ASAP2: variants seen among roughly 807,000 people sequenced by gnomAD.
The protein encoded by ASAP2 is ArfGAP with SH3 domain, ankyrin repeat and PH domain 2.
In ASAP2, 45 loss-of-function variants were observed where a neutral mutation model predicts 131.4. The observed-to-expected ratio is 0.34, with a 90% CI of 0.27 to 0.44. The LOEUF (loss-of-function observed/expected upper bound fraction) is 0.44. Ranked by LOEUF, ASAP2 falls within the 20% of genes least tolerant of loss-of-function variation. ASAP2 has a pLI of 1.00. For synonymous variants in ASAP2, 510 were observed against 503.0 expected (o/e 1.01, Z -0.19); for missense variants, 1,011 against 1,297.0 (o/e 0.78, Z 3.39).
intron 2 of ASAP2, among the ~76,000 whole-genome samples, chr2:9,288,158 A>T (rs1056937969): frequency 6.6e-6 from 1 of 152,182 alleles, no homozygotes; most frequent in Non-Finnish European, 1.5e-5. Flanking sequence ...ACTGTTTGGG[A>T]TGCCCATACC....
At chr2:9,327,150 A>T in intron 6 of ASAP2, among the ~76,000 whole-genome samples, 1 of 147,612 alleles carries the variant, frequency 6.8e-6, no homozygotes, top group Admixed American at 6.8e-5. Flanking sequence ...CCCATCCTTT[A>T]CAGCTGAGAG....
chr2:9,297,558 G>A lies in ASAP2; in HGVS notation c.345+113G>A. On this transcript the variant is annotated intron_variant, in intron 3 of 27. Coordinates refer to ENST00000281419, the MANE Select transcript of ASAP2 (RefSeq NM_003887.3). ...AGGAATGCATTTCATAGTTCCTTGG[G>A]TACCCAAAAGAATTATGTTTTTATA... 3.9e-6 allele frequency: 5 copies of A among 1,269,530 alleles called. No individual in the cohort carries two copies. In the South Asian group the frequency reaches 7.4e-5, roughly 19 times the overall value. The allele number at this position is 1,269,530 out of a possible 1,614,324, so 78.6% of individuals were successfully genotyped here.
At chr2:9,231,497 G>A (rs1663160482) in intron 1 of ASAP2, among the ~76,000 whole-genome samples, 1 of 152,192 alleles carries the variant, frequency 6.6e-6, no homozygotes, top group African/African-American at 2.4e-5. Context: ...GTGAGCAGTC[G>A]CTGGTCATGT....
chr2:9,376,187 A>G (rs1398647626), intron 17 of ASAP2, among the ~76,000 whole-genome samples: 4 of 152,224 alleles, frequency 2.6e-5, no homozygotes, highest in African/African-American at 7.2e-5. Flanking sequence ...ACTCATGCCC[A>G]CCAATGCAGT....
At chr2:9,271,305 G>A (rs1207198412) in intron 1 of ASAP2, 1 of 861,202 alleles carries the variant, frequency 1.2e-6, no homozygotes, top group African/African-American at 1.7e-5. Flanking sequence ...TGAATCTTCA[G>A]CTGATCGTCC....
At chr2:9,393,345 AAGGAAATAGCAGCAGGTTTTTCCTT>A (rs1675863750) in intron 23 of ASAP2, 112 bp from the exon 24 acceptor site, 1 of 786,552 alleles carries the variant, frequency 1.3e-6, no homozygotes, top group Non-Finnish European at 1.9e-6. Context: ...GAAAACTGGC[AAGGAAATAGCAGCAGGTTTTTCCTT>A]AGGAAATAGC....
chr2:9,243,114 GT>G (rs1664092024), intron 1 of ASAP2, among the ~76,000 whole-genome samples: 1 of 152,032 alleles, frequency 6.6e-6, no homozygotes, highest in Admixed American at 6.6e-5. Flanking sequence ...GTTTTGTTTT[GT>G]TTTGTTTTTT....
chr2:9,248,147 G>A (rs926198365), intron 1 of ASAP2, among the ~76,000 whole-genome samples: 2 of 152,288 alleles, frequency 1.3e-5, no homozygotes, highest in Admixed American at 6.5e-5. Flanking sequence ...CCCAGAAGAC[G>A]AACTCAGCAG....
At position 9,346,952 on chromosome 2, in the gene ASAP2, T is replaced by C. The variant is rs376193798; in HGVS notation, c.1023+2152T>C. ...CCCCAGTTTTTGGCAGATAGTACGG[T>C]TATAACCGGCATTACTGGGATGCTG... On this transcript the variant is annotated intron_variant, in intron 11 of 27. Coordinates refer to ENST00000281419, the MANE Select transcript of ASAP2 (RefSeq NM_003887.3). 2.6e-5 allele frequency among the ~76,000 whole-genome samples: 4 copies of C among 152,336 alleles called. 1 individual carries two copies. Among genetic ancestry groups the C allele is most frequent in the Admixed American group, 6.5e-5 (1 of 15,308 alleles).
At chr2:9,300,318 C>T (rs1424849246) in intron 3 of ASAP2, among the ~76,000 whole-genome samples, 1 of 152,262 alleles carries the variant, frequency 6.6e-6, no homozygotes, top group Non-Finnish European at 1.5e-5. Flanking sequence ...CACTCCACAC[C>T]ATGGAATCCG....
Position 9,309,252 on chromosome 2 carries a change from C to T in ASAP2, c.346-9272C>T, listed in dbSNP as rs190979538. ...GTCCATCAGCAGGTGTCTGGCTAGA[C>T]GGCAGTGTAGCCATATGATGGAACA... On this transcript the variant is annotated intron_variant, in intron 3 of 27. Transcript: ENST00000281419. 2.7e-3 allele frequency among the ~76,000 whole-genome samples: 417 copies of T among 152,276 alleles called. 1 individual carries two copies. Among genetic ancestry groups the T allele is most frequent in the African/African-American group, 9.5e-3 (393 of 41,562 alleles).
At chr2:9,318,208 G>A (rs1383980038) in intron 3 of ASAP2, among the ~76,000 whole-genome samples, 1 of 152,160 alleles carries the variant, frequency 6.6e-6, no homozygotes, top group Non-Finnish European at 1.5e-5. Context: ...GGCTTTCGAC[G>A]TAATTCTGTC....
At chr2:9,308,191 G>A (rs1365260337) in intron 3 of ASAP2, among the ~76,000 whole-genome samples, 1 of 152,226 alleles carries the variant, frequency 6.6e-6, no homozygotes, top group Non-Finnish European at 1.5e-5. Flanking sequence ...GGCTGTAGAG[G>A]AAGCATGGCA....
At chr2:9,212,904 G>C (rs533866216) in intron 1 of ASAP2, among the ~76,000 whole-genome samples, 6 of 152,224 alleles carry the variant, frequency 3.9e-5, no homozygotes, top group Non-Finnish European at 8.8e-5. Context: ...TGTTCGAGAC[G>C]GAACCCCGGC....
At chr2:9,317,775 C>T (rs1015783632) in intron 3 of ASAP2, among the ~76,000 whole-genome samples, 4 of 151,518 alleles carry the variant, frequency 2.6e-5, no homozygotes, top group African/African-American at 9.7e-5. Flanking sequence ...CAATCACACC[C>T]TCACACACCC....
At chr2:9,241,265 T>C (rs904777946) in intron 1 of ASAP2, among the ~76,000 whole-genome samples, 14 of 152,272 alleles carry the variant, frequency 9.2e-5, no homozygotes, top group African/African-American at 3.4e-4. Context: ...CAGTATTAAG[T>C]AATGCTGCAG....
chr2:9,364,374 G>A (rs1307968027), intron 15 of ASAP2, among the ~76,000 whole-genome samples: 2 of 152,200 alleles, frequency 1.3e-5, no homozygotes, highest in East Asian at 3.9e-4. Context: ...GAGTATGGTA[G>A]TACATGCCTG....
chr2:9,270,147 C>T (rs1217500163), intron 1 of ASAP2, among the ~76,000 whole-genome samples: 1 of 152,258 alleles, frequency 6.6e-6, no homozygotes, highest in Non-Finnish European at 1.5e-5. Flanking sequence ...CACCTGGCCC[C>T]TGAGAATTAA....
In ASAP2 at chr2:9,392,810, G is replaced by A. The variant is rs1048661937; in HGVS notation, c.2519-672G>A. 1.2e-4 allele frequency among the ~76,000 whole-genome samples: 19 copies of A among 152,070 alleles called. No individual in the cohort carries two copies. The East Asian group carries it at 3.3e-3, about 26-fold the overall frequency. On this transcript the variant is annotated intron_variant, in intron 23 of 27. Transcript: ENST00000281419. This position sits in a 1 kb window ranked among gnomAD's most constrained non-coding sequence, Gnocchi z 4.0. ...TCCTGAGGCCCAGTATGATAAGCCC[G>A]ACATTTAGAGAGGGCTTAATGCCTA...
Sources: allele counts gnomAD v4.1 joint callset (sites outside exome capture counted in the v4.1 genomes callset), GRCh38; gene constraint gnomAD v4.1.1; non-coding constraint Gnocchi (gnomAD v3.1); transcripts MANE v1.5; gene names NCBI Gene and HGNC (gene_info 2026-07-23, HGNC 2026-07-21).